The following SVEP1 variants were observed in gnomAD, a reference collection of about 807,000 sequenced individuals.
The protein encoded by SVEP1 is sushi, von Willebrand factor type A, EGF and pentraxin domain containing 1.
Under a neutral mutation model 367.3 loss-of-function variants are expected in SVEP1, and 164 were observed. The observed-to-expected ratio is 0.45, with a 90% CI of 0.39 to 0.51. The LOEUF (loss-of-function observed/expected upper bound fraction) is 0.51, where lower values mean the gene tolerates loss of function less well. SVEP1 is among the 20% of genes least tolerant of loss of function. The pLI is 0.00. For synonymous variants in SVEP1, 1,666 were observed against 1,611.6 expected, an observed-to-expected ratio of 1.03 and a Z score of -0.81; for missense variants, 4,117 against 4,425.3, an observed-to-expected ratio of 0.93 and a Z score of 1.98.
At chr9:110,521,885 A>T (rs776003580) in intron 3 of SVEP1, among the ~76,000 whole-genome samples, 1 of 152,190 alleles carries the variant, frequency 6.6e-6, no homozygotes, top group Non-Finnish European at 1.5e-5. Context: ...ATTTTGGTTT[A>T]ACTACTCTTT....
intron 1 of SVEP1, among the ~76,000 whole-genome samples, chr9:110,570,196 T>C (rs573794884): frequency 1.3e-5 from 2 of 152,272 alleles, no homozygotes; most frequent in South Asian, 2.1e-4. Flanking sequence ...GTCTTTAAAA[T>C]CTATGGGAAA....
intron 22 of SVEP1, among the ~76,000 whole-genome samples, chr9:110,454,010 T>A (rs529776914): frequency 6.6e-6 from 1 of 152,332 alleles, no homozygotes; most frequent in African/African-American, 2.4e-5. Flanking sequence ...TGTGTCTTCT[T>A]AGAGAAGTGT....
In SVEP1 at chr9:110,408,901, C is replaced by G. The variant is rs1172094249; in HGVS notation, c.6699G>C (p.Pro2233=). ...CAGGACTTCCGACTGACTTATAGCC[C>G]GGGTTACACTGATACCTCACTTCAC... The part of the protein sequence containing the change: ...FESEVRYQCN[P]GYKSVGSPVF... Residue 2233 remains proline, a synonymous_variant, in exon 38 of 48, where the codon CCG becomes CCC. Transcript: ENST00000374469. 6.2e-7 allele frequency: 1 copy of G among 1,609,696 alleles called. No homozygotes were observed. Among genetic ancestry groups the G allele is most frequent in the Admixed American group, 1.7e-5 (1 of 59,664 alleles).
intron 40 of SVEP1, among the ~76,000 whole-genome samples, chr9:110,393,244 G>A (rs184415228): frequency 1.5e-4 from 23 of 152,208 alleles, no homozygotes; most frequent in African/African-American, 4.1e-4. Flanking sequence ...AAAACACTCC[G>A]AATGTAATCA....
intron 41 of SVEP1, among the ~76,000 whole-genome samples, chr9:110,388,830 A>G (rs1442642077): frequency 4.6e-5 from 7 of 151,752 alleles, no homozygotes; most frequent in Non-Finnish European, 4.4e-5. Flanking sequence ...TTACCCGGGC[A>G]TGGTGGAGCA....
chr9:110,423,587 T>G (rs1828208993), intron 36 of SVEP1, among the ~76,000 whole-genome samples: 1 of 152,114 alleles, frequency 6.6e-6, no homozygotes, highest in Admixed American at 6.6e-5. Flanking sequence ...AGTATGATCT[T>G]AGGATATGGA....
intron 21 of SVEP1, 73 bp downstream of exon 21, chr9:110,457,182 TA>T: frequency 8.1e-7 from 1 of 1,236,808 alleles, no homozygotes; most frequent in Non-Finnish European, 1.1e-6. Flanking sequence ...GTTAATGTAC[TA>T]AAGTTTGATA....
At chr9:110,435,098 T>C in intron 29 of SVEP1, 143 bp downstream of exon 29, 7 of 865,178 alleles carry the variant, frequency 8.1e-6, no homozygotes, top group Non-Finnish European at 8.0e-6. Flanking sequence ...GAAAATAGGG[T>C]AAATATGAAT....
At chr9:110,490,292 A>T (rs1829348066) in intron 8 of SVEP1, among the ~76,000 whole-genome samples, 1 of 152,168 alleles carries the variant, frequency 6.6e-6, no homozygotes, top group South Asian at 2.1e-4. Context: ...TGCACTTCAG[A>T]TATCCATCAC....
Position 110,390,173 on chromosome 9 carries a change from ATG to A in SVEP1, c.9823-588_9823-587del, listed in dbSNP as rs1491195343. On this transcript the variant is annotated intron_variant, in intron 40 of 47. Coordinates refer to ENST00000374469, the MANE Select transcript of SVEP1 (RefSeq NM_153366.4). Reference sequence around the variant, plus strand: ...TATATACATACATACTTATATAAGTATGTATGTATATATACACTTATATAAGT... The same window carrying A: ...TATATACATACATACTTATATAAGTATATGTATATATACACTTATATAAGT... Among the ~76,000 whole-genome samples the A allele has an allele frequency of 7.3e-4, 55 of 75,752 alleles. 2 individuals carry two copies. Among genetic ancestry groups the A allele is most frequent in the African/African-American group, 2.5e-3 (52 of 20,500 alleles). The allele number at this position is 75,752 out of a possible 152,430, so 49.7% of individuals were successfully genotyped here. A position where few individuals can be genotyped will look rare whatever the true frequency, so the allele number is the denominator to read the frequency against.
chr9:110,434,290 A>G (rs1260043201), intron 30 of SVEP1, 46 bp downstream of exon 30: 7 of 1,556,162 alleles, frequency 4.5e-6, no homozygotes, highest in Admixed American at 3.7e-5. Flanking sequence ...TATGTTTTCA[A>G]TATTTTTCAA....
chr9:110,452,067 A>G (rs1828702988), intron 22 of SVEP1, among the ~76,000 whole-genome samples: 1 of 152,236 alleles, frequency 6.6e-6, no homozygotes, highest in Non-Finnish European at 1.5e-5. Context: ...GGATGCTTAA[A>G]TTTATAACTC....
chr9:110,466,978 C>T (rs1339938882), intron 17 of SVEP1, among the ~76,000 whole-genome samples: 1 of 152,076 alleles, frequency 6.6e-6, no homozygotes, highest in Non-Finnish European at 1.5e-5. Context: ...TCCCAGAGTA[C>T]TGGCCTTTCT....
chr9:110,579,350 C>T lies in SVEP1; in HGVS notation c.194G>A (p.Gly65Asp). The change falls in exon 1 of 48, where the codon GGC becomes GAC. Residue 65 changes from glycine to aspartate, a missense_variant. By Grantham distance (94) the Gly-to-Asp change is moderately conservative. This residue lies in a region of SVEP1 where 161 missense variants were observed against 122.4 expected (regional missense o/e 1.32). Transcript: ENST00000374469. This position sits in a 1 kb window ranked among gnomAD's most constrained non-coding sequence, Gnocchi z 5.3. ...EAAGSRVERL[G>D]QAFRRRVRLL... is the part of the protein sequence containing the mutation. ...CCGCACGCGTCGCCGGAACGCCTGG[C>T]CCAGCCGCTCCACTCTGCTCCCCGC... 2.6e-6 allele frequency: 4 copies of T among 1,555,090 alleles called. No individual in the cohort carries two copies. Among genetic ancestry groups the T allele is most frequent in the East Asian group, 2.4e-5 (1 of 41,318 alleles).
chr9:110,536,819 T>C (rs1369255749), intron 3 of SVEP1, among the ~76,000 whole-genome samples: 2 of 151,964 alleles, frequency 1.3e-5, no homozygotes, highest in Non-Finnish European at 2.9e-5. Context: ...TTACATTAGG[T>C]ATCCTCCTTA....
intron 3 of SVEP1, among the ~76,000 whole-genome samples, chr9:110,521,274 C>T (rs933085766): frequency 5.9e-5 from 9 of 152,320 alleles, no homozygotes; most frequent in Admixed American, 4.6e-4. Flanking sequence ...ATCTGTACCT[C>T]TGTAGAATGC....
intron 3 of SVEP1, among the ~76,000 whole-genome samples, chr9:110,525,158 C>T (rs1829925180): frequency 6.6e-6 from 1 of 152,056 alleles, no homozygotes; most frequent in East Asian, 1.9e-4. Flanking sequence ...AGAAATACAA[C>T]TAAACCTATT....
rs760826341 is a variant in SVEP1, at chr9:110,476,232, A to C, written c.2571T>G (p.Asn857Lys). ...NLTKKYCLEY[N>K]YDYENGFAIG... ...TTGCAAAGCCATTTTCATAGTCATA[A>C]TTATATTCTAGGCAATATTTTTTGG... The change falls in exon 14 of 48, where the codon AAT becomes AAG. Residue 857 changes from asparagine to lysine, a missense_variant. Transcript: ENST00000374469. 1 of 1,613,074 alleles carries C rather than the reference A, an allele frequency of 6.2e-7. No individual in the cohort carries two copies. The highest frequency in any genetic ancestry group is 1.1e-5 in the South Asian group (1 of 91,022).
At chr9:110,475,403 G>A (rs139978042) in intron 14 of SVEP1, among the ~76,000 whole-genome samples, 2 of 152,324 alleles carry the variant, frequency 1.3e-5, no homozygotes, top group East Asian at 3.9e-4. Context: ...CTGAGGCACA[G>A]AGTGTGTTGA....
Sources: allele counts gnomAD v4.1 joint callset (sites outside exome capture counted in the v4.1 genomes callset), GRCh38; gene constraint gnomAD v4.1.1; regional missense constraint gnomAD v4.1.1; non-coding constraint Gnocchi (gnomAD v3.1); transcripts MANE v1.5; gene names NCBI Gene and HGNC (gene_info 2026-07-23, HGNC 2026-07-21).